Variants in ABR observed in about 807,000 individuals in gnomAD.
ABR encodes the protein ABR activator of RhoGEF and GTPase, also known as active breakpoint cluster region-related protein.
In ABR, 35 loss-of-function variants were observed where a neutral mutation model predicts 107.2. The ratio of observed to expected loss-of-function variants is 0.33; its 90% CI spans 0.25 to 0.43. The LOEUF is 0.43. ABR is among the 20% of genes least tolerant of loss of function. ABR has a pLI of 1.00. For missense variants in ABR, 815 were observed against 1,115.2 expected, an observed-to-expected ratio of 0.73 and a Z score of 3.83; for synonymous variants, 498 against 462.0, an observed-to-expected ratio of 1.08 and a Z score of -1.00.
chr17:1,171,861 C>T (rs1458357679), intron 1 of ABR, among the ~76,000 whole-genome samples: 3 of 152,044 alleles, frequency 2.0e-5, no homozygotes, highest in Admixed American at 2.0e-4. Context: ...ACCCGGGAGG[C>T]GGAGGTTGCA....
At chr17:1,081,584 C>CT (rs35717833) in intron 5 of ABR, among the ~76,000 whole-genome samples, 21 of 150,500 alleles carry the variant, frequency 1.4e-4, no homozygotes, top group Admixed American at 2.0e-4. Context: ...TCAATAGATA[C>CT]TTTTTTTTTT....
At chr17:1,173,942 T>G (rs2041838715) in intron 1 of ABR, among the ~76,000 whole-genome samples, 1 of 152,194 alleles carries the variant, frequency 6.6e-6, no homozygotes, top group Admixed American at 6.5e-5. Context: ...TTCAAAGCAC[T>G]TTATAAATAT....
intron 1 of ABR, among the ~76,000 whole-genome samples, chr17:1,132,598 C>A (rs2151474292): frequency 6.6e-6 from 1 of 152,028 alleles, no homozygotes; most frequent in South Asian, 2.1e-4. Context: ...GGGATGGTCT[C>A]CAACTCCTGA....
chr17:1,018,096 G>A (rs979727869), intron 16 of ABR, among the ~76,000 whole-genome samples: 3 of 129,000 alleles, frequency 2.3e-5, no homozygotes, highest in African/African-American at 6.1e-5. Context: ...AGGCTGGAGT[G>A]CTGTGGCGCG....
chr17:1,024,753 T>A (rs979805601), intron 16 of ABR, among the ~76,000 whole-genome samples: 1 of 131,940 alleles, frequency 7.6e-6, no homozygotes, highest in Non-Finnish European at 1.5e-5. Flanking sequence ...GCCACTGCAC[T>A]CCAGCCTGGG....
At chr17:1,034,941 C>G (rs1395860447) in intron 16 of ABR, among the ~76,000 whole-genome samples, 1 of 152,072 alleles carries the variant, frequency 6.6e-6, no homozygotes, top group East Asian at 1.9e-4. Context: ...AGGCTCAATA[C>G]TTGTCTAGGT....
upstream of ABR, among the ~76,000 whole-genome samples, chr17:1,180,051 T>C (rs1309985274): frequency 2.0e-5 from 1 of 49,014 alleles, no homozygotes; most frequent in Non-Finnish European, 4.0e-5. Flanking sequence ...GGGCGGGGCT[T>C]TGGTGCGGGG....
intron 5 of ABR, among the ~76,000 whole-genome samples, chr17:1,083,078 C>T (rs183674355): frequency 1.2e-4 from 18 of 149,378 alleles, no homozygotes; most frequent in Non-Finnish European, 2.2e-4. Flanking sequence ...GAGCCGAGAC[C>T]GCGCCACTGC....
rs2031403563 is a variant in ABR at position 1,045,361 on chromosome 17, CAGCAGGACAATCTTCCGTCTTCT to C, written c.1791+4666_1791+4688del. ...AGCAGGACAATCTTCCATCTTCTTA[CAGCAGGACAATCTTCCGTCTTCT>C]TACAGCAGGACAATCTTCCGTCTTC... On this transcript the variant is annotated intron_variant, in intron 16 of 22. Transcript: ENST00000302538. Among the ~76,000 whole-genome samples the C allele has an allele frequency of 8.5e-5, 11 of 129,706 alleles. No individual in the cohort carries two copies. In the South Asian group the frequency reaches 2.7e-3, roughly 31 times the overall value. The allele number at this position is 129,706 out of a possible 152,430, so 85.1% of individuals were successfully genotyped here. A position where few individuals can be genotyped will look rare whatever the true frequency, so the allele number is the denominator to read the frequency against.
At chr17:1,178,279 T>TA (rs947517326) in intron 1 of ABR, among the ~76,000 whole-genome samples, 1 of 151,884 alleles carries the variant, frequency 6.6e-6, no homozygotes, top group Non-Finnish European at 1.5e-5. Flanking sequence ...GGATGACCCT[T>TA]ACAAATGCCC....
At chr17:1,034,630 C>T (rs1225835442) in intron 16 of ABR, among the ~76,000 whole-genome samples, 7 of 152,062 alleles carry the variant, frequency 4.6e-5, no homozygotes, top group Admixed American at 1.3e-4. Context: ...CATCCACCCT[C>T]ACTGGGTCCC....
chr17:1,056,884 C>T lies in ABR; in HGVS notation c.1486+114G>A, dbSNP rs114212540. Reference sequence around the variant, plus strand: ...GGCCACTCAACAGTCTCAGCACAGCCGAGCAGGGATCAGCCATTTACAGCC... The same window carrying T: ...GGCCACTCAACAGTCTCAGCACAGCTGAGCAGGGATCAGCCATTTACAGCC... On this transcript the variant is annotated intron_variant, in intron 13 of 22. Transcript: ENST00000302538. 1.2e-3 allele frequency: 846 copies of T among 709,994 alleles called. 7 individuals are homozygous for T. In the African/African-American group the frequency reaches 0.012, roughly 10 times the overall value. The allele number at this position is 709,994 out of a possible 1,614,324, so 44.0% of individuals were successfully genotyped here.
rs928480730 is a variant in ABR, at chr17:1,071,505, C to T, written c.894+1109G>A. Reference sequence around the variant, plus strand: ...GTCCCTCTCATGCTTCCTGGTACTCCCCTTGCTGGGCTGTCCCCACCCTTG... The same window carrying T: ...GTCCCTCTCATGCTTCCTGGTACTCTCCTTGCTGGGCTGTCCCCACCCTTG... On this transcript the variant is annotated intron_variant, in intron 8 of 22. Coordinates refer to ENST00000302538, the MANE Select transcript of ABR (RefSeq NM_021962.5). This position sits in a 1 kb window ranked among gnomAD's most constrained non-coding sequence, Gnocchi z 5.1. Among the ~76,000 whole-genome samples, 1 of 152,242 alleles carries T rather than the reference C, an allele frequency of 6.6e-6. No individual in the cohort carries two copies. Among genetic ancestry groups the T allele is most frequent in the Admixed American group, 6.5e-5 (1 of 15,292 alleles).
At chr17:1,057,147 C>T (rs754370970) in intron 12 of ABR, 45 bp from the exon 13 acceptor site, 12 of 1,326,758 alleles carry the variant, frequency 9.0e-6, no homozygotes, top group Non-Finnish European at 1.2e-5. Flanking sequence ...CACTGGTCCA[C>T]CAGGACCGGC....
upstream of ABR, among the ~76,000 whole-genome samples, chr17:1,189,296 C>T (rs1253910325): frequency 6.6e-6 from 1 of 151,802 alleles, no homozygotes; most frequent in Non-Finnish European, 1.5e-5. Context: ...CTAAGACATC[C>T]TAAAACACAT....
chr17:1,008,440 A>C (rs950869697), intron 21 of ABR, among the ~76,000 whole-genome samples: 41 of 152,078 alleles, frequency 2.7e-4, no homozygotes, highest in Admixed American at 2.6e-3. Context: ...CCAGCCCCTC[A>C]CCACACGCGC....
At chr17:1,195,946 T>C (rs1371331585) in intron 1 of ABR, among the ~76,000 whole-genome samples, 78 of 150,166 alleles carry the variant, frequency 5.2e-4, no homozygotes. Flanking sequence ...CTGGGCAACA[T>C]GGCAAAACCC....
intron 1 of ABR, among the ~76,000 whole-genome samples, chr17:1,142,742 C>T (rs993417539): frequency 2.0e-5 from 3 of 152,112 alleles, no homozygotes; most frequent in African/African-American, 4.8e-5. Context: ...ACAAGACGGA[C>T]GGAAAGGGCT....
In ABR at chr17:1,083,559, C is replaced by A; in HGVS notation, c.600G>T (p.Lys200Asn). The change falls in exon 5 of 23, where the codon AAG (lysine) becomes AAT (asparagine). Residue 200 changes from lysine to asparagine, a missense_variant. Lys to Asn is a moderately conservative substitution (Grantham distance 94). Coordinates refer to ENST00000302538, the MANE Select transcript of ABR (RefSeq NM_021962.5). ...NYKVALETAE[K>N]CSQSNNQFQK... ...GGAACTGGTTGTTGGACTGGCTGCA[C>A]TTCTCAGCTGTCTCCAGAGCGACTT... The A allele has an allele frequency of 1.9e-6, 3 of 1,612,450 alleles. No homozygotes were observed. Among genetic ancestry groups the A allele is most frequent in the Non-Finnish European group, 2.5e-6 (3 of 1,178,986 alleles).
Sources: gnomAD v4.1 joint callset for allele counts (sites outside exome capture counted in the v4.1 genomes callset) on GRCh38, gnomAD v4.1.1 for gene constraint, Gnocchi (gnomAD v3.1) non-coding constraint, MANE v1.5 for transcripts, NCBI Gene and HGNC (gene_info 2026-07-23, HGNC 2026-07-21) for gene names.